Variants in IGF2BP1 observed in about 807,000 individuals in gnomAD.
IGF2BP1 encodes insulin-like growth factor 2 mRNA-binding protein 1.
In IGF2BP1, 11 loss-of-function variants were observed where a neutral mutation model predicts 74.9. That is an observed-to-expected ratio of 0.15 (90% confidence interval 0.09 to 0.24). The LOEUF (loss-of-function observed/expected upper bound fraction) is 0.24. IGF2BP1 is among the 10% of genes least tolerant of loss of function. The probability of loss-of-function intolerance (pLI) is 1.00; values close to 1 mark genes in which losing one functional copy is unlikely to be tolerated. For missense variants in IGF2BP1, 440 were observed against 757.4 expected (o/e 0.58, Z 4.92); for synonymous variants, 287 against 281.8 (o/e 1.02, Z -0.18).
intron 2 of IGF2BP1, among the ~76,000 whole-genome samples, chr17:49,019,490 G>A (rs2041749086): frequency 6.6e-6 from 1 of 152,066 alleles, no homozygotes; most frequent in Non-Finnish European, 1.5e-5. Context: ...ATTATGGAAA[G>A]AAATATAAAC....
chr17:49,038,550 C>A, intron 6 of IGF2BP1, 101 bp downstream of exon 6: 1 of 1,210,584 alleles, frequency 8.3e-7, no homozygotes, highest in Non-Finnish European at 1.1e-6. Flanking sequence ...CAACATTTAC[C>A]TTTTAGGAAA....
At chr17:48,999,524 T>C (rs543583812) in intron 2 of IGF2BP1, among the ~76,000 whole-genome samples, 2 of 152,176 alleles carry the variant, frequency 1.3e-5, no homozygotes, top group South Asian at 2.1e-4. Context: ...TTCAGACTCA[T>C]GGCGATTTCT....
chr17:49,025,452 A>G (rs929850960), intron 2 of IGF2BP1, among the ~76,000 whole-genome samples, 166 bp from the exon 3 acceptor site: 2 of 151,580 alleles, frequency 1.3e-5, no homozygotes, highest in Non-Finnish European at 1.5e-5. Flanking sequence ...GGGTACCCCT[A>G]CTCCAAGTCT....
At chr17:49,009,441 G>T (rs2041589230) in intron 2 of IGF2BP1, among the ~76,000 whole-genome samples, 1 of 152,044 alleles carries the variant, frequency 6.6e-6, no homozygotes, top group African/African-American at 2.4e-5. Context: ...TGGGCGCAGT[G>T]GCTCATGCCT....
intron 2 of IGF2BP1, 132 bp downstream of exon 2, chr17:48,999,301 T>C: frequency 1.7e-6 from 1 of 604,680 alleles, no homozygotes; most frequent in Non-Finnish European, 3.0e-6. Flanking sequence ...CTCCGGATGT[T>C]GGGGGCAGGG....
intron 9 of IGF2BP1, 64 bp from the exon 10 acceptor site, chr17:49,043,364 C>CG: frequency 1.3e-6 from 2 of 1,590,018 alleles, no homozygotes. Flanking sequence ...TTTTATACAG[C>CG]GGGGGTCACA....
At chr17:49,044,478 CAAGT>C (rs1238355839) in intron 11 of IGF2BP1, among the ~76,000 whole-genome samples, 1 of 152,150 alleles carries the variant, frequency 6.6e-6, no homozygotes, top group African/African-American at 2.4e-5. Flanking sequence ...ATACTAACAC[CAAGT>C]AAGTGTTAGT....
chr17:49,022,337 A>AC (rs2041802440), intron 2 of IGF2BP1, among the ~76,000 whole-genome samples: 1 of 152,198 alleles, frequency 6.6e-6, no homozygotes, highest in Non-Finnish European at 1.5e-5. Context: ...ATTAGGTAGC[A>AC]CCATATTTAA....
rs189273971 is a variant in IGF2BP1, at chr17:49,036,121, G to T, written c.402-2047G>T. On this transcript the variant is annotated intron_variant, in intron 5 of 14. Coordinates refer to ENST00000290341, the MANE Select transcript of IGF2BP1 (RefSeq NM_006546.4). ...GACCGGGGTTGACTGGAAGCGACCG[G>T]CATAGCGCTTGGCAAGTATATAGCA... Among the ~76,000 whole-genome samples, 355 of 151,738 alleles carry T rather than the reference G, an allele frequency of 2.3e-3. 1 individual carries two copies. The highest frequency in any genetic ancestry group is 8.2e-3 in the African/African-American group (338 of 41,310).
intron 2 of IGF2BP1, among the ~76,000 whole-genome samples, chr17:49,011,769 G>A (rs932040650): frequency 4.6e-5 from 7 of 152,016 alleles, no homozygotes; most frequent in African/African-American, 1.7e-4. Context: ...CAGGGGCTGG[G>A]GAGTGGGGCG....
chr17:48,998,810 G>A (rs1179919618), intron 1 of IGF2BP1, among the ~76,000 whole-genome samples: 1 of 152,196 alleles, frequency 6.6e-6, no homozygotes, highest in Non-Finnish European at 1.5e-5. Flanking sequence ...TGTGTAGGCA[G>A]CGCACCCACA....
intron 2 of IGF2BP1, among the ~76,000 whole-genome samples, chr17:49,015,931 T>C (rs1813064952): frequency 1.3e-5 from 2 of 152,170 alleles, no homozygotes; most frequent in Admixed American, 6.5e-5. Flanking sequence ...AGATGACATT[T>C]TGCATGGTAG....
intron 2 of IGF2BP1, among the ~76,000 whole-genome samples, chr17:48,999,959 T>TGTGTGTTC (rs2041466711): frequency 6.6e-6 from 1 of 151,164 alleles, no homozygotes; most frequent in Non-Finnish European, 1.5e-5. Context: ...TGTGTGTGTG[T>TGTGTGTTC]GTGTTCGTGT....
In IGF2BP1 at chr17:49,055,771, A is replaced by G. The variant is rs2042222191; in HGVS notation, c.*6327A>G. ...CAGTTCTGAAACATCACTTACTCAG[A>G]AGAGGGAACGATGTATTTTGATGAG... On this transcript the variant is annotated 3_prime_UTR_variant, in exon 15 of 15. Transcript: ENST00000290341. 1 of 396,788 alleles carries G rather than the reference A, an allele frequency of 2.5e-6. No individual in the cohort carries two copies. The highest frequency in any genetic ancestry group is 4.4e-6 in the Non-Finnish European group (1 of 225,300). The allele number at this position is 396,788 out of a possible 1,614,324, so 24.6% of individuals were successfully genotyped here.
chr17:49,055,686 T>C lies in IGF2BP1; in HGVS notation c.*6242T>C. 1 of 398,436 alleles carries C rather than the reference T, an allele frequency of 2.5e-6. No individual in the cohort carries two copies. The highest frequency in any genetic ancestry group is 4.4e-6 in the Non-Finnish European group (1 of 226,030). The allele number at this position is 398,436 out of a possible 1,614,324, so 24.7% of individuals were successfully genotyped here. A position where few individuals can be genotyped will look rare whatever the true frequency, so the allele number is the denominator to read the frequency against. On this transcript the variant is annotated 3_prime_UTR_variant, in exon 15 of 15. Transcript: ENST00000290341. Reference sequence around the variant, plus strand: ...CTTTTCTCCAGGATCTTGATCCTGGTCCCCAAAACCAGAGTGAATCAAAAG... The same window carrying C: ...CTTTTCTCCAGGATCTTGATCCTGGCCCCCAAAACCAGAGTGAATCAAAAG...
chr17:49,026,335 G>A (rs2041852703), intron 3 of IGF2BP1, 131 bp from the exon 4 acceptor site: 2 of 759,202 alleles, frequency 2.6e-6, no homozygotes, highest in South Asian at 3.2e-5. Context: ...ACACTGGACA[G>A]GTAATAATGC....
intron 5 of IGF2BP1, among the ~76,000 whole-genome samples, chr17:49,033,745 C>G (rs538458172): frequency 6.6e-6 from 1 of 152,316 alleles, no homozygotes; most frequent in South Asian, 2.1e-4. Context: ...ACCAAATATA[C>G]TGAGACTCTA....
At chr17:48,999,466 A>G (rs2041458130) in intron 2 of IGF2BP1, among the ~76,000 whole-genome samples, 1 of 152,166 alleles carries the variant, frequency 6.6e-6, no homozygotes, top group Admixed American at 6.5e-5. Flanking sequence ...TTGTTTGTTC[A>G]ACTCGTGGGG....
chr17:49,016,668 T>A (rs953662144), intron 2 of IGF2BP1, among the ~76,000 whole-genome samples: 1 of 152,072 alleles, frequency 6.6e-6, no homozygotes, highest in Non-Finnish European at 1.5e-5. Flanking sequence ...CACCTTCCAG[T>A]CCCCTCACAC....
Sources: gnomAD v4.1 joint callset for allele counts (sites outside exome capture counted in the v4.1 genomes callset) on GRCh38, gnomAD v4.1.1 for gene constraint, MANE v1.5 for transcripts, NCBI Gene and HGNC (gene_info 2026-07-23, HGNC 2026-07-21) for gene names.